The following ACTR2 variants were observed in gnomAD, a reference collection of about 807,000 sequenced individuals.
ACTR2 encodes actin-related protein 2.
Under a neutral mutation model 50.2 loss-of-function variants are expected in ACTR2, and 5 were observed. That is an observed-to-expected ratio of 0.10 (90% CI 0.05 to 0.21). The LOEUF is 0.21. Among genes scored for constraint, ACTR2 ranks in the 10% least tolerant of loss-of-function variants. The probability of loss-of-function intolerance (pLI) is 1.00; values close to 1 mark genes in which losing one functional copy is unlikely to be tolerated. For missense variants in ACTR2, 180 were observed against 480.6 expected (o/e 0.37, Z 5.85); for synonymous variants, 140 against 162.9 (o/e 0.86, Z 1.07).
chr2:65,256,186 A>T (rs997685630), intron 6 of ACTR2, among the ~76,000 whole-genome samples: 1 of 152,192 alleles, frequency 6.6e-6, no homozygotes, highest in Admixed American at 6.5e-5. Context: ...TCAGAATTTC[A>T]TGGGATTAGT....
chr2:65,249,203 A>G lies in ACTR2; in HGVS notation c.376-1824A>G, dbSNP rs373038534. Among the ~76,000 whole-genome samples the G allele has an allele frequency of 3.9e-5, 6 of 152,278 alleles. No individual in the cohort carries two copies. In the South Asian group the frequency reaches 1.2e-3, roughly 32 times the overall value. ...GCTTTCCAGTTACTGTTTAATGTAC[A>G]TATTTTGTTTACGAATATGTTTAAA... On this transcript the variant is annotated intron_variant, in intron 3 of 8. Transcript: ENST00000260641.
intron 2 of ACTR2, among the ~76,000 whole-genome samples, chr2:65,245,585 G>A (rs1040385510): frequency 2.0e-5 from 3 of 152,000 alleles, no homozygotes; most frequent in Non-Finnish European, 4.4e-5. Flanking sequence ...AAAACTTAAC[G>A]TATTGTAGCA....
chr2:65,263,078 G>T (rs1254216118), intron 7 of ACTR2, among the ~76,000 whole-genome samples: 1 of 151,354 alleles, frequency 6.6e-6, no homozygotes, highest in Non-Finnish European at 1.5e-5. Context: ...GTCTCGCTCT[G>T]TCGCCAGGCT....
chr2:65,233,030 C>T (rs1353518387), intron 1 of ACTR2, among the ~76,000 whole-genome samples: 3 of 150,700 alleles, frequency 2.0e-5, no homozygotes, highest in Admixed American at 6.6e-5. Flanking sequence ...AGTCTTGCTC[C>T]GTTGCCCAGG....
At chr2:65,253,928 AT>A in intron 5 of ACTR2, 64 bp downstream of exon 5, 1 of 1,400,020 alleles carries the variant, frequency 7.1e-7, no homozygotes, top group Non-Finnish European at 9.9e-7. Context: ...TTAACACAGA[AT>A]TGAATCTATC....
chr2:65,244,069 G>A (rs1361944210), intron 2 of ACTR2, among the ~76,000 whole-genome samples: 1 of 152,070 alleles, frequency 6.6e-6, no homozygotes, highest in Non-Finnish European at 1.5e-5. Context: ...TTGTTCTGAG[G>A]AAGGTAAGGA....
At chr2:65,259,192 G>A (rs1200772765) in intron 6 of ACTR2, among the ~76,000 whole-genome samples, 1 of 152,086 alleles carries the variant, frequency 6.6e-6, no homozygotes, top group African/African-American at 2.4e-5. Flanking sequence ...GGGAGGCCAA[G>A]ATGGGAGGAT....
At chr2:65,238,954 G>A (rs988559996) in intron 1 of ACTR2, among the ~76,000 whole-genome samples, 12 of 151,960 alleles carry the variant, frequency 7.9e-5, no homozygotes, top group African/African-American at 2.7e-4. Context: ...GGCGACAAGA[G>A]TGAAACTCCG....
Position 65,227,897 on chromosome 2 carries a change from C to G in ACTR2, c.-13C>G. On this transcript the variant is annotated 5_prime_UTR_variant, in exon 1 of 9. Coordinates refer to ENST00000260641, the MANE Select transcript of ACTR2 (RefSeq NM_005722.4). ...AGGTTGTGCGGCTGCAGCGGCTCTT[C>G]CCTGGGCGGACGATGGACAGCCAGG... The G allele has an allele frequency of 1.3e-6, 2 of 1,517,344 alleles. No homozygotes were observed. Among genetic ancestry groups the G allele is most frequent in the South Asian group, 2.5e-5 (2 of 81,462 alleles). The allele number at this position is 1,517,344 out of a possible 1,614,324, so 94.0% of individuals were successfully genotyped here. A position where few individuals can be genotyped will look rare whatever the true frequency, so the allele number is the denominator to read the frequency against.
intron 7 of ACTR2, among the ~76,000 whole-genome samples, chr2:65,262,759 C>A (rs988921374): frequency 8.6e-4 from 130 of 152,030 alleles, no homozygotes; most frequent in African/African-American, 3.0e-3. Context: ...GAGTTTAAGA[C>A]CAGCCTGGGC....
intron 7 of ACTR2, among the ~76,000 whole-genome samples, chr2:65,263,479 A>G (rs1409414077): frequency 6.6e-6 from 1 of 152,174 alleles, no homozygotes; most frequent in African/African-American, 2.4e-5. Context: ...TTATAGAGGA[A>G]TTCACCCAGA....
intron 1 of ACTR2, among the ~76,000 whole-genome samples, chr2:65,234,344 C>T (rs1671698931): frequency 6.6e-6 from 1 of 152,192 alleles, no homozygotes; most frequent in Non-Finnish European, 1.5e-5. Flanking sequence ...TCTATGGCAA[C>T]ATCTGCTTCC....
chr2:65,263,411 T>C (rs1672313423), intron 7 of ACTR2, among the ~76,000 whole-genome samples: 1 of 152,286 alleles, frequency 6.6e-6, no homozygotes, highest in East Asian at 1.9e-4. Context: ...AAAAGATTTA[T>C]AGTCTTATTA....
chr2:65,250,281 G>A lies in ACTR2; in HGVS notation c.376-746G>A, dbSNP rs527537519. Reference sequence around the variant, plus strand: ...CGGGAGGCTGAGGCAGGAGAATGGCGTGAACCAGGGAGGTGGAGGTTGCAG... The same window carrying A: ...CGGGAGGCTGAGGCAGGAGAATGGCATGAACCAGGGAGGTGGAGGTTGCAG... On this transcript the variant is annotated intron_variant, in intron 3 of 8. Coordinates refer to ENST00000260641, the MANE Select transcript of ACTR2 (RefSeq NM_005722.4). Among the ~76,000 whole-genome samples, 69 of 149,836 alleles carry A rather than the reference G, an allele frequency of 4.6e-4. 1 individual carries two copies. The highest frequency in any genetic ancestry group is 1.4e-3 in the African/African-American group (58 of 40,684).
intron 6 of ACTR2, among the ~76,000 whole-genome samples, chr2:65,255,978 C>G (rs576280528): frequency 6.6e-6 from 1 of 152,284 alleles, no homozygotes; most frequent in East Asian, 1.9e-4. Flanking sequence ...CATAGCATTT[C>G]TCAATGTATG....
intron 1 of ACTR2, among the ~76,000 whole-genome samples, chr2:65,235,768 A>G (rs1340883325): frequency 6.6e-6 from 1 of 152,154 alleles, no homozygotes; most frequent in Admixed American, 6.5e-5. Flanking sequence ...AAAATAAAAT[A>G]AAATAATCCA....
At chr2:65,245,542 T>A (rs1319145276) in intron 2 of ACTR2, among the ~76,000 whole-genome samples, 4 of 152,170 alleles carry the variant, frequency 2.6e-5, no homozygotes, top group Admixed American at 6.6e-5. Flanking sequence ...TCGTGTTAAT[T>A]TTGCTGCTGC....
At chr2:65,246,931 C>T (rs1671948505) in intron 3 of ACTR2, among the ~76,000 whole-genome samples, 192 bp downstream of exon 3, 1 of 152,026 alleles carries the variant, frequency 6.6e-6, no homozygotes, top group African/African-American at 2.4e-5. Context: ...AAAAATCCTA[C>T]TGCCATGGAG....
chr2:65,257,282 C>G (rs1337965701), intron 6 of ACTR2, among the ~76,000 whole-genome samples: 1 of 151,990 alleles, frequency 6.6e-6, no homozygotes, highest in Non-Finnish European at 1.5e-5. Context: ...TGAACTCATT[C>G]ATTTTTTTAT....
Sources: gnomAD v4.1 joint callset for allele counts (sites outside exome capture counted in the v4.1 genomes callset) on GRCh38, gnomAD v4.1.1 for gene constraint, MANE v1.5 for transcripts, NCBI Gene and HGNC (gene_info 2026-07-23, HGNC 2026-07-21) for gene names.